The following SMIM22 variants were observed in gnomAD, a reference collection of about 807,000 sequenced individuals.
SMIM22 encodes small integral membrane protein 22.
A neutral mutation model predicts 8.4 loss-of-function variants in SMIM22; 16 were observed. That is an observed-to-expected ratio of 1.90 (90% CI 1.29 to 2.89). The LOEUF (loss-of-function observed/expected upper bound fraction) is 2.89. SMIM22 is among the 30% of genes most tolerant of loss of function. The probability of loss-of-function intolerance (pLI) is 0.00; values close to 1 mark genes in which losing one functional copy is unlikely to be tolerated. For missense variants in SMIM22, 159 were observed against 107.5 expected (o/e 1.48, Z -2.12); for synonymous variants, 67 against 47.6 (o/e 1.41, Z -1.68).
intron 3 of SMIM22, 46 bp downstream of exon 3, chr16:4,796,094 G>C: frequency 6.5e-7 from 1 of 1,535,594 alleles, no homozygotes. Flanking sequence ...TGTACTGGGG[G>C]TGGAGGCGGA....
chr16:4,790,750 T>C (rs2082538850), upstream of SMIM22, among the ~76,000 whole-genome samples: 1 of 152,006 alleles, frequency 6.6e-6, no homozygotes, highest in Non-Finnish European at 1.5e-5. Flanking sequence ...GATCGTGCCA[T>C]TGCACTCCAG....
chr16:4,794,377 G>C (rs1373442335), upstream of SMIM22, among the ~76,000 whole-genome samples: 2 of 151,626 alleles, frequency 1.3e-5, no homozygotes, highest in African/African-American at 2.4e-5. Context: ...AAAGTGCTGG[G>C]ATTACAGGCA....
rs570163156 is a variant in SMIM22, at chr16:4,789,087, C to G, written c.-146+316C>G. Among the ~76,000 whole-genome samples the G allele has an allele frequency of 5.3e-5, 8 of 152,342 alleles. No homozygotes were observed. The East Asian group carries it at 1.5e-3, about 29-fold the overall frequency. On this transcript the variant is annotated intron_variant, in intron 2 of 5. Coordinates refer to the SMIM22 transcript ENST00000589327. ...TTGCTGGAATGCAGTGGCGCGATCT[C>G]GGCTCACTGCAACCTCCGCCTCCTG...
chr16:4,795,143 A>T (rs2082612430), upstream of SMIM22: 1 of 132,848 alleles, frequency 7.5e-6, no homozygotes, highest in Non-Finnish European at 1.5e-5. Flanking sequence ...TCTTTCATTC[A>T]CGAAGTCAGC....
upstream of SMIM22, among the ~76,000 whole-genome samples, chr16:4,793,206 G>C (rs572913679): frequency 6.6e-6 from 1 of 151,360 alleles, no homozygotes; most frequent in East Asian, 1.9e-4. Context: ...GAGACCACAA[G>C]CCCAGGAATG....
At chr16:4,795,676 G>A (rs2082626559) in intron 1 of SMIM22, 39 bp from the exon 2 acceptor site, 2 of 1,526,108 alleles carry the variant, frequency 1.3e-6, no homozygotes, top group Non-Finnish European at 8.8e-7. Context: ...GCTGAGCTGA[G>A]CCCAGGATCC....
At chr16:4,789,486 C>T (rs150546250) in intron 2 of SMIM22, among the ~76,000 whole-genome samples, 2,649 of 151,988 alleles carry the variant, frequency 0.017, 29 homozygotes, top group Non-Finnish European at 0.025. Flanking sequence ...CCACCACGCC[C>T]GGCTAATTTT....
chr16:4,791,857 T>A (rs938061125), upstream of SMIM22, among the ~76,000 whole-genome samples: 1 of 151,878 alleles, frequency 6.6e-6, no homozygotes, highest in Non-Finnish European at 1.5e-5. Context: ...CCGGCTAATT[T>A]TTGTATTTTT....
intron 1 of SMIM22, 95 bp from the exon 2 acceptor site, chr16:4,795,620 A>G: frequency 7.0e-7 from 1 of 1,423,110 alleles, no homozygotes; most frequent in Non-Finnish European, 9.3e-7. Context: ...GCGCTGGGCC[A>G]GGAGCGGGCA....
Position 4,796,260 on chromosome 16 carries a change from C to G in SMIM22, c.*29C>G, listed in dbSNP as rs1036627391. The G allele has an allele frequency of 3.9e-6, 6 of 1,534,770 alleles. No homozygotes were observed. In the South Asian group the frequency reaches 7.1e-5, roughly 18 times the overall value. On this transcript the variant is annotated 3_prime_UTR_variant, in exon 4 of 4. Transcript: ENST00000586005. ...TGTGTCTCCTGCCCGGTGGCAGTAA[C>G]AAAGCCTTCTGTCTGCCCAGAGCCT...
intron 2 of SMIM22, chr16:4,789,877 CTTTCTTT>C: frequency 6.6e-6 from 1 of 151,860 alleles, no homozygotes; most frequent in African/African-American, 2.4e-5. Context: ...AATGTTTTCT[CTTTCTTT>C]TTTCTTTCTT....
chr16:4,795,977 G>T lies in SMIM22; in HGVS notation c.154G>T (p.Val52Phe), dbSNP rs192561106. The T allele has an allele frequency of 3.3e-6, 5 of 1,504,792 alleles. No individual in the cohort carries two copies. In the Admixed American group the frequency reaches 6.2e-5, roughly 19 times the overall value. The allele number at this position is 1,504,792 out of a possible 1,614,324, so 93.2% of individuals were successfully genotyped here. Residue 52 changes from valine to phenylalanine, a missense_variant, in exon 3 of 4, where the codon GTC (valine) becomes TTC (phenylalanine). Coordinates refer to ENST00000586005, the MANE Select transcript of SMIM22 (RefSeq NM_001253794.2). ...CGTGCTGCTCCTGCTGCTGCTGGTC[G>T]TCGCCCACTGCTGCTGCTGCAGCTC... ...GTVLLLLLLV[V>F]AHCCCCSSPG...
At chr16:4,792,412 G>A (rs571915576), upstream of SMIM22, among the ~76,000 whole-genome samples, 11 of 149,996 alleles carry the variant, frequency 7.3e-5, no homozygotes, top group South Asian at 2.1e-4. Flanking sequence ...GGATGGTCTC[G>A]ATCTCCTGAC....
At chr16:4,794,085 G>A (rs528760317), upstream of SMIM22, among the ~76,000 whole-genome samples, 3 of 151,564 alleles carry the variant, frequency 2.0e-5, no homozygotes, top group South Asian at 6.3e-4. Flanking sequence ...ACAGGTGCCC[G>A]CCACCACAGC....
chr16:4,791,342 A>G (rs998524076), upstream of SMIM22, among the ~76,000 whole-genome samples: 2 of 152,190 alleles, frequency 1.3e-5, no homozygotes, highest in Non-Finnish European at 2.9e-5. Context: ...GAAGAGGACA[A>G]AAGCCTGGAT....
chr16:4,789,427 G>A (rs1400968143), intron 2 of SMIM22, among the ~76,000 whole-genome samples: 3 of 151,628 alleles, frequency 2.0e-5, no homozygotes, highest in East Asian at 1.9e-4. Context: ...CCGGGTTCAC[G>A]CCGCTCTCCT....
At chr16:4,793,302 T>C (rs1242973663), upstream of SMIM22, among the ~76,000 whole-genome samples, 1 of 152,096 alleles carries the variant, frequency 6.6e-6, no homozygotes, top group Non-Finnish European at 1.5e-5. Context: ...CGACCCATTT[T>C]AGACTCTGAC....
At chr16:4,789,989 ACTG>A (rs1567580524) in intron 2 of SMIM22, 1 of 149,292 alleles carries the variant, frequency 6.7e-6, no homozygotes, top group Non-Finnish European at 1.5e-5. Flanking sequence ...ATGACAGCTC[ACTG>A]CAGCCTCGAC....
At chr16:4,793,987 G>C (rs887576796), upstream of SMIM22, among the ~76,000 whole-genome samples, 3 of 152,180 alleles carry the variant, frequency 2.0e-5, no homozygotes, top group African/African-American at 7.2e-5. Flanking sequence ...CCAGGCGGGT[G>C]TGCGGTGACA....
Sources: gnomAD v4.1 joint callset for allele counts (sites outside exome capture counted in the v4.1 genomes callset) on GRCh38, gnomAD v4.1.1 for gene constraint, MANE v1.5 for transcripts, NCBI Gene and HGNC (gene_info 2026-07-23, HGNC 2026-07-21) for gene names.